The following MPP7 variants were observed in gnomAD, a reference collection of about 807,000 sequenced individuals.
MPP7 encodes the protein MAGUK p55 subfamily member 7.
Under a neutral mutation model 76.5 loss-of-function variants are expected in MPP7, and 60 were observed. The observed-to-expected ratio is 0.78, with a 90% CI of 0.64 to 0.97. The LOEUF (loss-of-function observed/expected upper bound fraction) is 0.97. Ranked by LOEUF, MPP7 falls within the 50% of genes least tolerant of loss-of-function variation. MPP7 has a pLI of 0.00. For synonymous variants in MPP7, 237 were observed against 244.5 expected (o/e 0.97, Z 0.29); for missense variants, 641 against 694.0 (o/e 0.92, Z 0.86).
chr10:28,310,443 G>A (rs1048101413), intron 2 of MPP7, among the ~76,000 whole-genome samples: 3 of 151,986 alleles, frequency 2.0e-5, no homozygotes, highest in African/African-American at 7.3e-5. Flanking sequence ...CTCCTGTTGC[G>A]CTGTCACACG....
In MPP7 at chr10:28,053,648, T is replaced by A. The variant is rs1189725287; in HGVS notation, c.*417A>T. 1 of 167,662 alleles carries A rather than the reference T, an allele frequency of 6.0e-6. No individual in the cohort carries two copies. Among genetic ancestry groups the A allele is most frequent in the East Asian group, 1.8e-4 (1 of 5,434 alleles). 10.4% of individuals were successfully genotyped at this position (167,662 alleles called of 1,614,324 possible). A position where few individuals can be genotyped will look rare whatever the true frequency, so the allele number is the denominator to read the frequency against. On this transcript the variant is annotated 3_prime_UTR_variant, in exon 17 of 17. Transcript: ENST00000683449. ...AGAAACAGCAGAGCTCACCTGTCTG[T>A]CTGGAGCTGCTCATGGCTGCTGAAT...
In MPP7 at chr10:28,161,614, C is replaced by T. The variant is rs562666939; in HGVS notation, c.157-11555G>A. Among the ~76,000 whole-genome samples, 20 of 152,216 alleles carry T rather than the reference C, an allele frequency of 1.3e-4. No homozygotes were observed. In the South Asian group the frequency reaches 2.9e-3, roughly 22 times the overall value. On this transcript the variant is annotated intron_variant, in intron 3 of 16. Coordinates refer to ENST00000683449, the MANE Select transcript of MPP7 (RefSeq NM_001318170.2). ...TGGAGAGAGGAAATTCAGACCGAAG[C>T]TAAACATTTCATTCCTATTCCTAAA...
chr10:28,161,907 C>T (rs2133825657), intron 3 of MPP7, among the ~76,000 whole-genome samples: 1 of 152,180 alleles, frequency 6.6e-6, no homozygotes. Flanking sequence ...TGGTTCATTC[C>T]AACAGATAGG....
intron 3 of MPP7, among the ~76,000 whole-genome samples, chr10:28,175,155 T>C (rs1001286730): frequency 1.3e-5 from 2 of 152,030 alleles, no homozygotes; most frequent in Non-Finnish European, 2.9e-5. Flanking sequence ...TTGGGCGTGG[T>C]GATGCGCACC....
At chr10:28,080,478 T>C (rs148032117) in intron 12 of MPP7, among the ~76,000 whole-genome samples, 9 of 152,288 alleles carry the variant, frequency 5.9e-5, no homozygotes, top group Admixed American at 4.6e-4. Context: ...CTTTCTTCCA[T>C]AGACTTATCG....
chr10:28,186,240 G>C (rs2133928344), intron 3 of MPP7, among the ~76,000 whole-genome samples: 1 of 152,072 alleles, frequency 6.6e-6, no homozygotes, highest in Admixed American at 6.6e-5. Flanking sequence ...CAGCTACTCA[G>C]GAGGCTGAGG....
intron 3 of MPP7, among the ~76,000 whole-genome samples, chr10:28,176,897 G>A (rs1564679002): frequency 6.7e-6 from 1 of 148,274 alleles, no homozygotes; most frequent in Non-Finnish European, 1.5e-5. Flanking sequence ...GGGTGGGGGA[G>A]GGATAGCATT....
intron 11 of MPP7, among the ~76,000 whole-genome samples, chr10:28,099,197 C>T (rs1005323540): frequency 2.6e-5 from 4 of 152,114 alleles, no homozygotes; most frequent in Non-Finnish European, 5.9e-5. Flanking sequence ...ACTCACCACC[C>T]ATACTAACAG....
intron 6 of MPP7, among the ~76,000 whole-genome samples, chr10:28,129,136 T>A (rs537320386): frequency 2.0e-5 from 3 of 152,280 alleles, no homozygotes; most frequent in Admixed American, 2.0e-4. Context: ...CTTACCACAA[T>A]TGTTTGATGT....
chr10:28,212,929 T>C (rs1489089512), intron 2 of MPP7, among the ~76,000 whole-genome samples: 1 of 151,992 alleles, frequency 6.6e-6, no homozygotes, highest in African/African-American at 2.4e-5. Flanking sequence ...AGACAACTCT[T>C]AGAAGGAGCT....
At position 28,054,246 on chromosome 10, in the gene MPP7, T is replaced by C; in HGVS notation, c.1552-2A>G. On this transcript the variant is annotated splice_acceptor_variant, in intron 16 of 16. Coordinates refer to ENST00000683449, the MANE Select transcript of MPP7 (RefSeq NM_001318170.2). LOFTEE classifies it high-confidence loss of function. ...AATCATTTCTTGAAAATCTTCTTCCTACAAAAGGAAGTATTAAAAAAATAA... is the reference window on the plus strand; with the variant it reads ...AATCATTTCTTGAAAATCTTCTTCCCACAAAAGGAAGTATTAAAAAAATAA... 5 of 1,541,872 alleles carry C rather than the reference T, an allele frequency of 3.2e-6. No individual in the cohort carries two copies. The highest frequency in any genetic ancestry group is 1.2e-5 in the South Asian group (1 of 84,850).
intron 15 of MPP7, 105 bp downstream of exon 15, chr10:28,058,390 G>A: frequency 3.7e-6 from 2 of 540,744 alleles, no homozygotes; most frequent in Non-Finnish European, 6.4e-6. Context: ...CCACATATAT[G>A]CCAAAAGTGA....
In MPP7 at chr10:28,329,025, T is replaced by C. The variant is rs145737043; in HGVS notation, c.-132+904A>G. Among the ~76,000 whole-genome samples, 329 of 152,332 alleles carry C rather than the reference T, an allele frequency of 2.2e-3. 1 individual carries two copies. Among genetic ancestry groups the C allele is most frequent in the African/African-American group, 7.5e-3 (313 of 41,576 alleles). On this transcript the variant is annotated intron_variant, in intron 2 of 11. Transcript: ENST00000441595. ...TAAAGGTACTGATATTTTCTGTTCATTTCTAAAATTGCCCTGGCTACTTCT... is the reference window on the plus strand; with the variant it reads ...TAAAGGTACTGATATTTTCTGTTCACTTCTAAAATTGCCCTGGCTACTTCT...
chr10:28,253,264 G>A (rs930746551), intron 1 of MPP7, among the ~76,000 whole-genome samples: 1 of 152,114 alleles, frequency 6.6e-6, no homozygotes, highest in Admixed American at 6.6e-5. Flanking sequence ...AGATGAGCTG[G>A]CAAGTGGGAA....
intron 3 of MPP7, among the ~76,000 whole-genome samples, chr10:28,164,573 C>G (rs1167115384): frequency 6.6e-6 from 1 of 152,074 alleles, no homozygotes; most frequent in African/African-American, 2.4e-5. Flanking sequence ...TACACATGGA[C>G]AGTGTGGAAT....
upstream of MPP7, among the ~76,000 whole-genome samples, chr10:28,306,685 A>AGAG (rs1554869511): frequency 6.7e-6 from 1 of 150,166 alleles, no homozygotes; most frequent in Non-Finnish European, 1.5e-5. Flanking sequence ...AGAGAGAGAG[A>AGAG]TGATAGATAA....
At chr10:28,321,063 A>T (rs954087572) in intron 2 of MPP7, among the ~76,000 whole-genome samples, 1 of 152,196 alleles carries the variant, frequency 6.6e-6, no homozygotes, top group African/African-American at 2.4e-5. Context: ...CCTCACTCCC[A>T]GAGCCCTAGC....
At chr10:28,069,390 G>T (rs958211473) in intron 13 of MPP7, among the ~76,000 whole-genome samples, 1 of 152,064 alleles carries the variant, frequency 6.6e-6, no homozygotes, top group African/African-American at 2.4e-5. Flanking sequence ...GGATCACAAG[G>T]TCAAGAGATC....
chr10:28,069,621 A>C (rs550735383), intron 13 of MPP7, 151 bp downstream of exon 13: 181 of 428,776 alleles, frequency 4.2e-4, no homozygotes, highest in African/African-American at 2.4e-3. Context: ...AAAACAAACA[A>C]AAAAAAAACT....
Sources: allele counts gnomAD v4.1 joint callset (sites outside exome capture counted in the v4.1 genomes callset), GRCh38; gene constraint gnomAD v4.1.1; transcripts MANE v1.5; gene names NCBI Gene and HGNC (gene_info 2026-07-23, HGNC 2026-07-21).